SBNO1: variants seen among roughly 807,000 people sequenced by gnomAD.
SBNO1 encodes protein strawberry notch homolog 1.
Under a neutral mutation model 173.6 loss-of-function variants are expected in SBNO1, and 23 were observed. That is an observed-to-expected ratio of 0.13 (90% CI 0.10 to 0.19). The LOEUF (loss-of-function observed/expected upper bound fraction) is 0.19, where lower values mean the gene tolerates loss of function less well. Among genes scored for constraint, SBNO1 ranks in the 10% least tolerant of loss-of-function variants. SBNO1 has a pLI of 1.00. For synonymous variants in SBNO1, 632 were observed against 571.5 expected (o/e 1.11, Z -1.51); for missense variants, 1,238 against 1,671.2 (o/e 0.74, Z 4.52).
chr12:123,341,031 A>G lies in SBNO1; in HGVS notation c.608T>C (p.Met203Thr). 1 of 1,604,800 alleles carries G rather than the reference A, an allele frequency of 6.2e-7. No individual in the cohort carries two copies. Among genetic ancestry groups the G allele is most frequent in the Non-Finnish European group, 8.5e-7 (1 of 1,175,692 alleles). ...KESSNKEGAR[M>T]WINDMKMRSF... ...CCTCATCTTCATGTCGTTTATCCAC[A>G]TTCTAGCTCCTTCTTTATTAGAAGA... Residue 203 changes from methionine (M) to threonine (T), a missense_variant, in exon 5 of 32, where the codon ATG becomes ACG. Transcript: ENST00000602398.
chr12:123,363,949 C>T, intron 1 of SBNO1: 5 of 985,486 alleles, frequency 5.1e-6, no homozygotes, highest in Non-Finnish European at 4.8e-6. Context: ...TTCTGGGAAA[C>T]CACCGGTATC....
chr12:123,320,794 G>C lies in SBNO1; in HGVS notation c.2396C>G (p.Ser799Cys). Residue 799 changes from serine (S) to cysteine (C), a missense_variant, in exon 18 of 32, where the codon TCT becomes TGT. This residue lies in a region of SBNO1 where 5 missense variants were observed against 18.6 expected (regional missense o/e 0.27). Coordinates refer to ENST00000602398, the MANE Select transcript of SBNO1 (RefSeq NM_001167856.3). ...KKKKKSIDPDSIQSALLASGL... is the reference protein window; with the variant it reads ...KKKKKSIDPDCIQSALLASGL... The stretch of plus-strand genomic sequence containing the variant: ...TGATGCTAATAAGGCACTTTGAATA[G>C]AATCTGGATCTATACTTTTCTTCTT... 1 of 1,607,276 alleles carries C rather than the reference G, an allele frequency of 6.2e-7. No individual in the cohort carries two copies. Among genetic ancestry groups the C allele is most frequent in the Non-Finnish European group, 8.5e-7 (1 of 1,176,664 alleles).
In SBNO1 at chr12:123,320,853, A is replaced by G; in HGVS notation, c.2337T>C (p.Ile779=). 2 of 1,580,056 alleles carry G rather than the reference A, an allele frequency of 1.3e-6. No individual in the cohort carries two copies. The highest frequency in any genetic ancestry group is 1.7e-6 in the Non-Finnish European group (2 of 1,165,174). Residue 779 remains isoleucine, a synonymous_variant, in exon 18 of 32, where the codon ATT becomes ATC. Coordinates refer to ENST00000602398, the MANE Select transcript of SBNO1 (RefSeq NM_001167856.3). ...NEDDENDPWL[I]RKDHKKNKEK... ...CTTTGTTTTTCTTGTGGTCTTTTCT[A>G]ATTAACCAGGGATCTGAGTGTTAAG...
At chr12:123,361,422 C>G (rs1875153694) in intron 1 of SBNO1, among the ~76,000 whole-genome samples, 1 of 151,888 alleles carries the variant, frequency 6.6e-6, no homozygotes, top group Non-Finnish European at 1.5e-5. Flanking sequence ...GTGGCTCATG[C>G]TTGTAATCCC....
chr12:123,347,230 G>T (rs116439324), intron 3 of SBNO1, among the ~76,000 whole-genome samples: 13,977 of 151,570 alleles, frequency 0.092, 1,816 homozygotes, highest in African/African-American at 0.29. Context: ...ATGCTTTTTT[G>T]TTGTTGTTGT....
chr12:123,364,539 AGC>A, intron 1 of SBNO1, 160 bp downstream of exon 1: 1 of 983,356 alleles, frequency 1.0e-6, no homozygotes, highest in Non-Finnish European at 1.2e-6. Flanking sequence ...AGGGCCCCGG[AGC>A]GCGCGGCCGC....
intron 29 of SBNO1, among the ~76,000 whole-genome samples, chr12:123,303,823 G>A (rs953263758): frequency 1.9e-4 from 29 of 148,734 alleles, no homozygotes; most frequent in African/African-American, 5.7e-4. Context: ...AACACAGTGA[G>A]ACCTCATTTA....
At chr12:123,312,648 T>C (rs768844569) in intron 24 of SBNO1, among the ~76,000 whole-genome samples, 35 of 151,240 alleles carry the variant, frequency 2.3e-4, no homozygotes, top group African/African-American at 8.0e-4. Context: ...GTGGCGGAGG[T>C]TGCACTGAGC....
chr12:123,332,403 T>C (rs1871323285), intron 7 of SBNO1, among the ~76,000 whole-genome samples: 1 of 152,124 alleles, frequency 6.6e-6, no homozygotes, highest in Admixed American at 6.6e-5. Context: ...GTGATTCTCC[T>C]GCCTCAGCCT....
chr12:123,336,759 C>A (rs1301849974), intron 5 of SBNO1, among the ~76,000 whole-genome samples: 1 of 152,210 alleles, frequency 6.6e-6, no homozygotes, highest in African/African-American at 2.4e-5. Context: ...TGTCAAGCTA[C>A]TTTCCCCTTC....
At chr12:123,303,922 C>CTTTTTTTTTT (rs11413728) in intron 29 of SBNO1, among the ~76,000 whole-genome samples, 1 of 100,464 alleles carries the variant, frequency 1.0e-5, no homozygotes. Flanking sequence ...AATAAGTATT[C>CTTTTTTTTTT]TTTTTTTTTT....
chr12:123,362,091 G>C (rs1357036776), intron 1 of SBNO1, among the ~76,000 whole-genome samples: 1 of 150,492 alleles, frequency 6.6e-6, no homozygotes, highest in Non-Finnish European at 1.5e-5. Flanking sequence ...AGTGAGCCAA[G>C]GTTATGACAC....
intron 1 of SBNO1, among the ~76,000 whole-genome samples, chr12:123,362,468 A>G (rs1379320978): frequency 3.4e-5 from 4 of 116,588 alleles, no homozygotes; most frequent in Admixed American, 9.7e-5. Context: ...AAAAAAAAAA[A>G]GGATTCTGAC....
chr12:123,324,862 G>A (rs1870432281), intron 15 of SBNO1, among the ~76,000 whole-genome samples: 1 of 151,844 alleles, frequency 6.6e-6, no homozygotes, highest in Non-Finnish European at 1.5e-5. Flanking sequence ...GGAGTGGAGT[G>A]GAGTGGTGCG....
chr12:123,329,016 T>TA (rs1356610000), intron 9 of SBNO1, 121 bp from the exon 10 acceptor site: 4 of 572,142 alleles, frequency 7.0e-6, no homozygotes, highest in Non-Finnish European at 1.2e-5. Flanking sequence ...TCAGAAAACA[T>TA]AAAAGTACAG....
chr12:123,360,647 G>T (rs1340068184), intron 1 of SBNO1, among the ~76,000 whole-genome samples: 1 of 151,858 alleles, frequency 6.6e-6, no homozygotes, highest in Non-Finnish European at 1.5e-5. Flanking sequence ...GTTTCATCGT[G>T]TTAGCCAGGA....
intron 1 of SBNO1, among the ~76,000 whole-genome samples, chr12:123,356,745 A>G (rs1463339593): frequency 1.3e-5 from 2 of 152,226 alleles, no homozygotes; most frequent in African/African-American, 4.8e-5. Context: ...TGCCCTGCAC[A>G]TATCAATTAT....
At chr12:123,333,167 T>C (rs568219203) in intron 7 of SBNO1, among the ~76,000 whole-genome samples, 66 of 152,122 alleles carry the variant, frequency 4.3e-4, no homozygotes, top group African/African-American at 1.5e-3. Flanking sequence ...TGAGCCACCA[T>C]GCCCAGCCAA....
At chr12:123,300,233 T>C (rs1711952103) in intron 30 of SBNO1, among the ~76,000 whole-genome samples, 1 of 152,218 alleles carries the variant, frequency 6.6e-6, no homozygotes, top group Non-Finnish European at 1.5e-5. Context: ...TTTTTTAAGT[T>C]AATTTTTTGT....
Sources: gnomAD v4.1 joint callset for allele counts (sites outside exome capture counted in the v4.1 genomes callset) on GRCh38, gnomAD v4.1.1 for gene constraint, gnomAD v4.1.1 regional missense constraint, MANE v1.5 for transcripts, NCBI Gene and HGNC (gene_info 2026-07-23, HGNC 2026-07-21) for gene names.